DAB1: variants seen among roughly 807,000 people sequenced by gnomAD.
DAB1 encodes disabled homolog 1.
A neutral mutation model predicts 64.6 loss-of-function variants in DAB1; 15 were observed. The observed-to-expected ratio is 0.23, with a 90% CI of 0.16 to 0.36. The LOEUF is 0.36. Ranked by LOEUF, DAB1 falls within the 10% of genes least tolerant of loss-of-function variation. DAB1 has a pLI of 1.00. For synonymous variants in DAB1, 235 were observed against 251.9 expected (o/e 0.93, Z 0.64); for missense variants, 596 against 706.7 (o/e 0.84, Z 1.78).
intron 6 of DAB1, among the ~76,000 whole-genome samples, chr1:57,767,218 C>T (rs923372801): frequency 5.3e-5 from 8 of 152,030 alleles, no homozygotes; most frequent in Admixed American, 3.9e-4. Flanking sequence ...CCTCTGGTAA[C>T]CATTCCCCAT....
chr1:58,396,161 C>T (rs1470768246), intron 3 of DAB1, among the ~76,000 whole-genome samples: 1 of 151,818 alleles, frequency 6.6e-6, no homozygotes, highest in Admixed American at 6.6e-5. Flanking sequence ...GAGGCACCCC[C>T]AGGTCAGGAT....
intron 7 of DAB1, among the ~76,000 whole-genome samples, chr1:57,501,348 A>G (rs1570576935): frequency 6.6e-6 from 1 of 152,348 alleles, no homozygotes; most frequent in Non-Finnish European, 1.5e-5. Flanking sequence ...GAATGCGGCC[A>G]TCTTGGACCT....
chr1:57,011,327 T>C (rs902699993), intron 12 of DAB1, 55 bp from the exon 13 acceptor site: 3 of 1,588,772 alleles, frequency 1.9e-6, no homozygotes, highest in Admixed American at 3.7e-5. Context: ...GCCATGAATG[T>C]ATCCCAAAGA....
At chr1:57,266,328 C>T (rs569972721) in intron 2 of DAB1, among the ~76,000 whole-genome samples, 1 of 152,296 alleles carries the variant, frequency 6.6e-6, no homozygotes, top group Non-Finnish European at 1.5e-5. Context: ...TTCTACTGCT[C>T]CCCTATATGA....
At chr1:57,085,435 C>T (rs142448127) in intron 4 of DAB1, among the ~76,000 whole-genome samples, 17 of 152,278 alleles carry the variant, frequency 1.1e-4, no homozygotes, top group African/African-American at 3.4e-4. Context: ...AAATACTGCC[C>T]GCTACTGGCC....
At chr1:57,445,754 A>C (rs1314093154) in intron 7 of DAB1, among the ~76,000 whole-genome samples, 1 of 152,236 alleles carries the variant, frequency 6.6e-6, no homozygotes, top group Non-Finnish European at 1.5e-5. Flanking sequence ...TCTTCATTTA[A>C]GAATTCACCC....
In DAB1 at chr1:58,413,940, T is replaced by C. The variant is rs77210123; in HGVS notation, n.258-70537A>G. 3.9e-3 allele frequency among the ~76,000 whole-genome samples: 589 copies of C among 152,282 alleles called. 7 individuals are homozygous for C. Among genetic ancestry groups the C allele is most frequent in the African/African-American group, 0.013 (556 of 41,568 alleles). On this transcript the variant is annotated intron_variant and non_coding_transcript_variant, in intron 3 of 20. Transcript: ENST00000485760. ...TCATAGAGTGTACTTAATGCAACCC[T>C]AGATGGTATAGCTTACTACACACCT...
At chr1:57,142,631 T>TAC (rs35559563) in intron 3 of DAB1, among the ~76,000 whole-genome samples, 2,391 of 42,384 alleles carry the variant, frequency 0.056, 23 homozygotes, top group Middle Eastern at 0.075. Context: ...CACACACACA[T>TAC]ACACACACAC....
intron 2 of DAB1, among the ~76,000 whole-genome samples, chr1:57,165,315 A>G (rs574321639): frequency 6.6e-6 from 1 of 152,264 alleles, no homozygotes; most frequent in East Asian, 1.9e-4. Context: ...TCAAAAAAGT[A>G]CCTCCCTTCC....
chr1:57,799,343 C>T (rs956079813), intron 6 of DAB1, among the ~76,000 whole-genome samples: 1 of 152,068 alleles, frequency 6.6e-6, no homozygotes, highest in African/African-American at 2.4e-5. Flanking sequence ...CCTTCGGTGG[C>T]TTCCACTTCT....
intron 3 of DAB1, chr1:58,462,555 T>G (rs900580350): frequency 2.6e-5 from 4 of 152,290 alleles, no homozygotes; most frequent in African/African-American, 9.6e-5. Flanking sequence ...GATTTTTTAA[T>G]GAGTACAGTG....
intron 1 of DAB1, among the ~76,000 whole-genome samples, chr1:57,869,951 T>C (rs1643910816): frequency 6.6e-6 from 1 of 152,154 alleles, no homozygotes; most frequent in Non-Finnish European, 1.5e-5. Context: ...TTGGGCTGCA[T>C]CTTTTTCAAT....
chr1:58,073,732 C>T (rs1649419422), intron 5 of DAB1, among the ~76,000 whole-genome samples: 1 of 152,092 alleles, frequency 6.6e-6, no homozygotes, highest in Non-Finnish European at 1.5e-5. Flanking sequence ...GCTGACTGGC[C>T]CAAGTCAATG....
rs1645620979 is a variant in DAB1, at chr1:57,605,128, CAA to C, written n.625+44462_625+44463del. 1.7e-4 allele frequency among the ~76,000 whole-genome samples: 26 copies of C among 152,284 alleles called. No individual in the cohort carries two copies. The Middle Eastern group carries it at 0.01, about 60-fold the overall frequency. ...GAAGAACTTTAAAATGAGAAGGAGA[CAA>C]TGAATCCTGAGTTGAAATAATTTTC... is the stretch of plus-strand genomic sequence containing the variant. On this transcript the variant is annotated intron_variant and non_coding_transcript_variant, in intron 7 of 20. Coordinates refer to the DAB1 transcript ENST00000485760.
intron 7 of DAB1, among the ~76,000 whole-genome samples, chr1:57,614,130 C>G (rs913435733): frequency 3.3e-5 from 5 of 152,248 alleles, no homozygotes; most frequent in Admixed American, 1.3e-4. Flanking sequence ...CTGCATCCAG[C>G]TGGGAGTGAC....
At chr1:58,231,946 G>A (rs990678351) in intron 4 of DAB1, among the ~76,000 whole-genome samples, 22 of 152,162 alleles carry the variant, frequency 1.4e-4, no homozygotes, top group African/African-American at 5.3e-4. Context: ...ACTTGCTACA[G>A]GTAAAAATAA....
At chr1:57,480,183 G>A (rs560804109) in intron 7 of DAB1, among the ~76,000 whole-genome samples, 15 of 151,936 alleles carry the variant, frequency 9.9e-5, no homozygotes, top group African/African-American at 3.6e-4. Flanking sequence ...AGCCAGATGG[G>A]AGCTGTGTTG....
At chr1:58,199,916 C>T (rs369838445) in intron 4 of DAB1, among the ~76,000 whole-genome samples, 4 of 152,194 alleles carry the variant, frequency 2.6e-5, no homozygotes, top group Non-Finnish European at 5.9e-5. Context: ...CACTGTCCTC[C>T]TCTAAGCCCT....
chr1:57,853,898 G>C (rs1653641446), intron 1 of DAB1, among the ~76,000 whole-genome samples: 1 of 152,176 alleles, frequency 6.6e-6, no homozygotes, highest in Non-Finnish European at 1.5e-5. Context: ...CAGAATACAG[G>C]CTTCTGAGAC....
Sources: gnomAD v4.1 joint callset for allele counts (sites outside exome capture counted in the v4.1 genomes callset) on GRCh38, gnomAD v4.1.1 for gene constraint, MANE v1.5 for transcripts, NCBI Gene and HGNC (gene_info 2026-07-23, HGNC 2026-07-21) for gene names.